The following GPC5 variants were observed in gnomAD, a reference collection of about 807,000 sequenced individuals.
GPC5 encodes glypican 5, also known as glypican-5.
A neutral mutation model predicts 53.9 loss-of-function variants in GPC5; 47 were observed. That is an observed-to-expected ratio of 0.87 (90% CI 0.69 to 1.11). The LOEUF is 1.11. Among genes scored for constraint, GPC5 ranks in the 50% most tolerant of loss-of-function variants. The pLI is 0.00. For synonymous variants in GPC5, 286 were observed against 263.3 expected (o/e 1.09, Z -0.84); for missense variants, 748 against 713.1 (o/e 1.05, Z -0.56).
rs201957280 is a variant in GPC5, at chr13:92,288,818, A to G, written c.1561+143829A>G. 2.0e-5 allele frequency among the ~76,000 whole-genome samples: 3 copies of G among 152,158 alleles called. No individual in the cohort carries two copies. The East Asian group carries it at 5.8e-4, about 29-fold the overall frequency. On this transcript the variant is annotated intron_variant, in intron 7 of 7. Coordinates refer to ENST00000377067, the MANE Select transcript of GPC5 (RefSeq NM_004466.6). The stretch of plus-strand genomic sequence containing the variant: ...ATTATTATTTTAGTTCTTTATGCTT[A>G]CCTAAAATTTGGCCCTTGATAACAG...
At chr13:91,531,285 T>C (rs538284521) in intron 2 of GPC5, among the ~76,000 whole-genome samples, 1 of 152,208 alleles carries the variant, frequency 6.6e-6, no homozygotes, top group Admixed American at 6.5e-5. Flanking sequence ...GAAGGGACCT[T>C]GATACTTACT....
At chr13:91,594,388 T>C (rs2032915590) in intron 2 of GPC5, among the ~76,000 whole-genome samples, 1 of 152,218 alleles carries the variant, frequency 6.6e-6, no homozygotes, top group Non-Finnish European at 1.5e-5. Flanking sequence ...TGTGTATTTC[T>C]GTTTGCCTTT....
intron 6 of GPC5, among the ~76,000 whole-genome samples, chr13:92,123,747 A>G (rs1395474411): frequency 1.3e-5 from 2 of 152,218 alleles, no homozygotes; most frequent in East Asian, 3.8e-4. Context: ...TACATTTCCT[A>G]TGAATAAAAA....
At chr13:91,440,350 A>G (rs964722912) in intron 1 of GPC5, among the ~76,000 whole-genome samples, 5 of 152,270 alleles carry the variant, frequency 3.3e-5, no homozygotes, top group African/African-American at 1.2e-4. Context: ...CTGCGGATCT[A>G]TCTTCAAGTA....
intron 7 of GPC5, among the ~76,000 whole-genome samples, chr13:92,657,579 GTTTTT>G (rs67038073): frequency 1.6e-3 from 174 of 106,706 alleles, no homozygotes; most frequent in Middle Eastern, 5.9e-3. Flanking sequence ...AGGTTTTTTG[GTTTTT>G]TTTTTTTTTT....
intron 2 of GPC5, among the ~76,000 whole-genome samples, chr13:91,519,166 G>A (rs1885668514): frequency 6.6e-6 from 1 of 152,130 alleles, no homozygotes; most frequent in Admixed American, 6.5e-5. Flanking sequence ...GTATCCTATT[G>A]TACAGTGTCT....
chr13:92,592,311 A>G (rs1322991389), intron 7 of GPC5, among the ~76,000 whole-genome samples: 1 of 152,078 alleles, frequency 6.6e-6, no homozygotes, highest in African/African-American at 2.4e-5. Context: ...AGAAGATGCA[A>G]CTGATCAGAT....
chr13:92,626,471 G>C (rs1366326103), intron 7 of GPC5, among the ~76,000 whole-genome samples: 1 of 152,178 alleles, frequency 6.6e-6, no homozygotes, highest in Non-Finnish European at 1.5e-5. Flanking sequence ...GCATTGGCAT[G>C]TGTGGTGAAC....
chr13:92,078,563 G>T (rs1414952608), intron 6 of GPC5, among the ~76,000 whole-genome samples: 5 of 152,138 alleles, frequency 3.3e-5, no homozygotes, highest in Non-Finnish European at 7.4e-5. Context: ...CCTCTGTTCT[G>T]TCTCACACTC....
At chr13:91,750,332 A>G (rs1417318772) in intron 4 of GPC5, among the ~76,000 whole-genome samples, 1 of 152,188 alleles carries the variant, frequency 6.6e-6, no homozygotes, top group Non-Finnish European at 1.5e-5. Context: ...TCTGTGTACT[A>G]GAGATAGATG....
chr13:91,420,403 C>A (rs1878530411), intron 1 of GPC5, among the ~76,000 whole-genome samples: 1 of 152,144 alleles, frequency 6.6e-6, no homozygotes, highest in African/African-American at 2.4e-5. Context: ...CCTTGCTTTT[C>A]AAAATTAGGA....
At chr13:92,405,115 T>C (rs1299494690) in intron 7 of GPC5, among the ~76,000 whole-genome samples, 2 of 151,826 alleles carry the variant, frequency 1.3e-5, no homozygotes, top group Non-Finnish European at 2.9e-5. Flanking sequence ...TAAGAAAGAA[T>C]AATAAAAACA....
rs113385979 is a variant in GPC5, at chr13:91,964,025, C to G, written c.1401+55968C>G. On this transcript the variant is annotated intron_variant, in intron 6 of 7. Coordinates refer to ENST00000377067, the MANE Select transcript of GPC5 (RefSeq NM_004466.6). ...GGAATTGGTGGGTTCTTGGTCTCGCCGACTTCAAGAATGAAGCCATGGACT... is the reference window on the plus strand; with the variant it reads ...GGAATTGGTGGGTTCTTGGTCTCGCGGACTTCAAGAATGAAGCCATGGACT... Among the ~76,000 whole-genome samples, 150 of 152,014 alleles carry G rather than the reference C, an allele frequency of 9.9e-4. 2 individuals carry two copies. The highest frequency in any genetic ancestry group is 3.2e-3 in the African/African-American group (133 of 41,460).
At chr13:92,138,747 C>A (rs1264569597) in intron 6 of GPC5, among the ~76,000 whole-genome samples, 1 of 151,736 alleles carries the variant, frequency 6.6e-6, no homozygotes, top group Non-Finnish European at 1.5e-5. Flanking sequence ...TAACACTTGC[C>A]CCGAGGATGG....
At chr13:91,539,758 C>T (rs2029867748) in intron 2 of GPC5, among the ~76,000 whole-genome samples, 1 of 151,848 alleles carries the variant, frequency 6.6e-6, no homozygotes, top group Non-Finnish European at 1.5e-5. Flanking sequence ...ATAAAAGATA[C>T]AATCCATAAT....
At chr13:92,433,396 A>G (rs1003068957) in intron 7 of GPC5, among the ~76,000 whole-genome samples, 2 of 152,204 alleles carry the variant, frequency 1.3e-5, no homozygotes, top group African/African-American at 2.4e-5. Flanking sequence ...GGTAGCATCA[A>G]TAGGTTGAAG....
intron 6 of GPC5, among the ~76,000 whole-genome samples, chr13:92,070,635 A>G (rs1435350482): frequency 6.6e-6 from 1 of 152,176 alleles, no homozygotes; most frequent in African/African-American, 2.4e-5. Flanking sequence ...ATCTGCATCA[A>G]TTGTTGAATA....
At chr13:92,488,107 G>A (rs1029398617) in intron 7 of GPC5, among the ~76,000 whole-genome samples, 3 of 151,908 alleles carry the variant, frequency 2.0e-5, no homozygotes, top group Admixed American at 1.3e-4. Flanking sequence ...ACCCAGATAC[G>A]TATGTGCCTG....
intron 7 of GPC5, among the ~76,000 whole-genome samples, chr13:92,589,041 CAT>C (rs1342791067): frequency 3.9e-5 from 6 of 152,166 alleles, no homozygotes; most frequent in South Asian, 4.1e-4. Flanking sequence ...GGAAGAAAAA[CAT>C]GTGGCAGTTT....
Sources: gnomAD v4.1 joint callset for allele counts (sites outside exome capture counted in the v4.1 genomes callset) on GRCh38, gnomAD v4.1.1 for gene constraint, MANE v1.5 for transcripts, NCBI Gene and HGNC (gene_info 2026-07-23, HGNC 2026-07-21) for gene names.